The following LCP1 variants were observed in gnomAD, a reference collection of about 807,000 sequenced individuals.
The protein encoded by LCP1 is plastin-2.
A neutral mutation model predicts 72.0 loss-of-function variants in LCP1; 23 were observed. The observed-to-expected ratio is 0.32, with a 90% CI of 0.23 to 0.45. LCP1 has a LOEUF of 0.45. Ranked by LOEUF, LCP1 falls within the 20% of genes least tolerant of loss-of-function variation. The pLI is 1.00. For missense variants in LCP1, 571 were observed against 748.3 expected (o/e 0.76, Z 2.76); for synonymous variants, 245 against 275.4 (o/e 0.89, Z 1.09).
intron 1 of LCP1, among the ~76,000 whole-genome samples, chr13:46,164,340 A>T (rs747802481): frequency 3.3e-5 from 5 of 152,122 alleles, no homozygotes; most frequent in Non-Finnish European, 5.9e-5. Flanking sequence ...ATAATGGGAA[A>T]TTTTTTTTAC....
chr13:46,162,240 TCTCCCTCTCCCTCCCC>T lies in LCP1; in HGVS notation c.-24-2570_-24-2555del, dbSNP rs1321225675. ...TCCATTTATTCACTAAACAATGAGTTCTCCCTCTCCCTCCCCCTCCCCCTCCCTCCCCCTCCCCCTC... is the reference window on the plus strand; with the variant it reads ...TCCATTTATTCACTAAACAATGAGTTCTCCCCCTCCCTCCCCCTCCCCCTC... On this transcript the variant is annotated intron_variant, in intron 1 of 15. Transcript: ENST00000323076. 7.6e-3 allele frequency among the ~76,000 whole-genome samples: 1,068 copies of T among 140,932 alleles called. 7 individuals are homozygous for T. The highest frequency in any genetic ancestry group is 0.012 in the Non-Finnish European group (767 of 64,378). 92.5% of individuals were successfully genotyped at this position (140,932 alleles called of 152,430 possible). A position where few individuals can be genotyped will look rare whatever the true frequency, so the allele number is the denominator to read the frequency against.
At chr13:46,154,525 A>G (rs2045788337) in intron 6 of LCP1, among the ~76,000 whole-genome samples, 1 of 152,214 alleles carries the variant, frequency 6.6e-6, no homozygotes, top group Non-Finnish European at 1.5e-5. Flanking sequence ...ATCAAAGATA[A>G]ATTGCTAAGG....
intron 1 of LCP1, among the ~76,000 whole-genome samples, chr13:46,175,578 G>A (rs1265530416): frequency 1.3e-5 from 2 of 152,054 alleles, no homozygotes; most frequent in Non-Finnish European, 2.9e-5. Flanking sequence ...GGGTGGGTAC[G>A]GAGGGAGGAG....
chr13:46,170,563 A>T (rs2045900157), intron 1 of LCP1, among the ~76,000 whole-genome samples: 1 of 152,122 alleles, frequency 6.6e-6, no homozygotes, highest in Non-Finnish European at 1.5e-5. Context: ...TGAGGGGCAA[A>T]CCCACCTGGG....
chr13:46,172,524 T>C (rs891722288), intron 1 of LCP1, among the ~76,000 whole-genome samples: 29 of 151,302 alleles, frequency 1.9e-4, no homozygotes, highest in Non-Finnish European at 4.4e-5. Flanking sequence ...AAAGAGAAAA[T>C]AGCTCTACAA....
At chr13:46,160,718 T>C (rs1365612679) in intron 1 of LCP1, among the ~76,000 whole-genome samples, 2 of 152,188 alleles carry the variant, frequency 1.3e-5, no homozygotes, top group African/African-American at 2.4e-5. Flanking sequence ...ATAATCTCCA[T>C]GCCCCTAGCT....
intron 14 of LCP1, 136 bp downstream of exon 14, chr13:46,133,991 G>A (rs993339619): frequency 1.8e-5 from 12 of 666,966 alleles, no homozygotes; most frequent in African/African-American, 3.6e-5. Flanking sequence ...AAACAATAAC[G>A]AGTCATTTAA....
chr13:46,151,124 G>C (rs2045761053), intron 7 of LCP1, 46 bp from the exon 8 acceptor site: 1 of 1,575,874 alleles, frequency 6.3e-7, no homozygotes, highest in Non-Finnish European at 8.6e-7. Flanking sequence ...AGCGATGTTG[G>C]GGGAGGGGGG....
intron 1 of LCP1, among the ~76,000 whole-genome samples, chr13:46,181,614 A>C (rs370203349): frequency 7.9e-5 from 12 of 152,352 alleles, no homozygotes; most frequent in East Asian, 7.7e-4. Context: ...TCAGTAACAT[A>C]TGACTCTAGA....
intron 9 of LCP1, 139 bp downstream of exon 9, chr13:46,148,211 TCA>T: frequency 8.0e-6 from 5 of 626,486 alleles, no homozygotes; most frequent in South Asian, 6.4e-5. Flanking sequence ...CCCAAACTGC[TCA>T]CAGTTTTACC....
chr13:46,164,232 CTACATTCT>C (rs2045864127), intron 1 of LCP1, among the ~76,000 whole-genome samples: 1 of 152,130 alleles, frequency 6.6e-6, no homozygotes, highest in Admixed American at 6.5e-5. Context: ...GAGAACAAGA[CTACATTCT>C]AAGTGTCACA....
At chr13:46,163,018 G>GT (rs1386858625) in intron 1 of LCP1, among the ~76,000 whole-genome samples, 1 of 147,614 alleles carries the variant, frequency 6.8e-6, no homozygotes, top group South Asian at 2.1e-4. Flanking sequence ...GAGGTGGGGG[G>GT]CAGCCCCCGC....
chr13:46,165,819 G>A (rs1285923383), intron 1 of LCP1, among the ~76,000 whole-genome samples: 3 of 152,142 alleles, frequency 2.0e-5, no homozygotes, highest in Non-Finnish European at 2.9e-5. Context: ...TCAAGGTCAC[G>A]TCTGGGCTGC....
chr13:46,144,568 CT>C, intron 10 of LCP1, 48 bp from the exon 11 acceptor site: 1 of 1,361,468 alleles, frequency 7.3e-7, no homozygotes, highest in South Asian at 1.2e-5. Context: ...GAAAACATAG[CT>C]TTTTTATGAC....
chr13:46,159,121 G>T, intron 2 of LCP1, 132 bp from the exon 3 acceptor site: 1 of 776,390 alleles, frequency 1.3e-6, no homozygotes, highest in Non-Finnish European at 2.1e-6. Context: ...TGATCCCAGG[G>T]AAGAGTCAGA....
At chr13:46,141,093 T>G (rs2045694689) in intron 13 of LCP1, among the ~76,000 whole-genome samples, 1 of 151,916 alleles carries the variant, frequency 6.6e-6, no homozygotes, top group South Asian at 2.1e-4. Flanking sequence ...TTCTATAAGT[T>G]CAACAAACCT....
chr13:46,162,554 G>C (rs908667104), intron 1 of LCP1, among the ~76,000 whole-genome samples: 3 of 151,898 alleles, frequency 2.0e-5, no homozygotes, highest in Admixed American at 1.3e-4. Context: ...TGCCAGCCTC[G>C]GCCTCCGGAG....
At chr13:46,176,260 C>T (rs61949182) in intron 1 of LCP1, among the ~76,000 whole-genome samples, 69,228 of 151,956 alleles carry the variant, frequency 0.46, 16,473 homozygotes, top group East Asian at 0.69. Context: ...TGCTGATTAC[C>T]CTGATCTCAT....
At chr13:46,137,831 C>T (rs1177517725) in intron 13 of LCP1, among the ~76,000 whole-genome samples, 1 of 152,202 alleles carries the variant, frequency 6.6e-6, no homozygotes, top group East Asian at 1.9e-4. Context: ...CCAGTTCCTC[C>T]TTCAACAAGA....
Sources: gnomAD v4.1 joint callset for allele counts (sites outside exome capture counted in the v4.1 genomes callset) on GRCh38, gnomAD v4.1.1 for gene constraint, MANE v1.5 for transcripts, NCBI Gene and HGNC (gene_info 2026-07-23, HGNC 2026-07-21) for gene names.